Variants in CSN2 observed in about 807,000 individuals in gnomAD.
CSN2 encodes the protein casein beta, also known as beta-casein.
Under a neutral mutation model 27.3 loss-of-function variants are expected in CSN2, and 27 were observed. The ratio of observed to expected loss-of-function variants is 0.99; its 90% CI spans 0.73 to 1.36. The LOEUF (loss-of-function observed/expected upper bound fraction) is 1.36. Ranked by LOEUF, CSN2 falls within the 40% of genes most tolerant of loss-of-function variation. The probability of loss-of-function intolerance (pLI) is 0.00; values close to 1 mark genes in which losing one functional copy is unlikely to be tolerated. For missense variants in CSN2, 333 were observed against 264.5 expected, an observed-to-expected ratio of 1.26 and a Z score of -1.80; for synonymous variants, 131 against 94.8, an observed-to-expected ratio of 1.38 and a Z score of -2.22.
At chr4:69,962,992 T>C (rs560930480) in intron 1 of CSN2, among the ~76,000 whole-genome samples, 4 of 152,128 alleles carry the variant, frequency 2.6e-5, no homozygotes, top group Non-Finnish European at 4.4e-5. Flanking sequence ...AAAATGCTCA[T>C]CATCACTGGC....
chr4:69,960,805 A>G (rs1374022582), intron 2 of CSN2, 140 bp downstream of exon 2: 3 of 681,120 alleles, frequency 4.4e-6, no homozygotes, highest in Non-Finnish European at 7.3e-6. Context: ...AATATAAATG[A>G]TTTTGATAGA....
chr4:69,957,253 AG>A lies in CSN2; in HGVS notation c.675+20del. On this transcript the variant is annotated intron_variant, in intron 6 of 7. Transcript: ENST00000353151. ...ATACACATCTTGAATGAAACAGCAA[AG>A]CCAGTAAATTTGGACTTACACTAAT... is the stretch of plus-strand genomic sequence containing the variant. 1 of 1,511,918 alleles carries A rather than the reference AG, an allele frequency of 6.6e-7. No homozygotes were observed. The highest frequency in any genetic ancestry group is 1.4e-5 in the African/African-American group (1 of 71,830). 93.7% of individuals were successfully genotyped at this position (1,511,918 alleles called of 1,614,324 possible).
At chr4:69,957,839 A>T in intron 5 of CSN2, 35 bp from the exon 6 acceptor site, 1 of 1,556,464 alleles carries the variant, frequency 6.4e-7, no homozygotes, top group Non-Finnish European at 8.8e-7. Flanking sequence ...TGAGTCCTTG[A>T]TTAAGCTATA....
intron 2 of CSN2, 128 bp from the exon 3 acceptor site, chr4:69,960,207 C>T (rs113434763): frequency 1.3e-6 from 1 of 795,114 alleles, no homozygotes; most frequent in Admixed American, 2.7e-5. Context: ...ATTGTTCCTT[C>T]TGAAAAGATG....
At chr4:69,965,513 G>T (rs1246214346) in intron 1 of CSN2, among the ~76,000 whole-genome samples, 168 bp downstream of exon 1, 1 of 120,256 alleles carries the variant, frequency 8.3e-6, no homozygotes, top group African/African-American at 3.4e-5. Context: ...ATTCTTCTGG[G>T]CACTTCTATC....
chr4:69,964,495 G>A (rs1019280713), intron 1 of CSN2, among the ~76,000 whole-genome samples: 5 of 151,892 alleles, frequency 3.3e-5, no homozygotes, highest in African/African-American at 4.8e-5. Flanking sequence ...TAATTTATTT[G>A]AGAGATGTTC....
At chr4:69,963,419 A>T (rs1271443149) in intron 1 of CSN2, among the ~76,000 whole-genome samples, 1 of 152,096 alleles carries the variant, frequency 6.6e-6, no homozygotes. Flanking sequence ...AAAAATGATG[A>T]GTTCATGTCC....
intron 2 of CSN2, among the ~76,000 whole-genome samples, chr4:69,960,332 A>G (rs1246493516): frequency 2.0e-5 from 3 of 152,078 alleles, no homozygotes; most frequent in Non-Finnish European, 4.4e-5. Flanking sequence ...AAAATGTTAT[A>G]TGACTTTTGA....
intron 1 of CSN2, among the ~76,000 whole-genome samples, chr4:69,961,888 C>T (rs1723603329): frequency 6.6e-6 from 1 of 152,142 alleles, no homozygotes; most frequent in South Asian, 2.1e-4. Context: ...AGCAAAGTCT[C>T]AGGATACAAA....
intron 2 of CSN2, among the ~76,000 whole-genome samples, chr4:69,960,542 C>T (rs1232574100): frequency 6.6e-6 from 1 of 151,450 alleles, no homozygotes; most frequent in Non-Finnish European, 1.5e-5. Flanking sequence ...CCATGGATGT[C>T]TTTGTACAGA....
Position 69,957,733 on chromosome 4 carries a change from G to T in CSN2, c.216C>A (p.Ile72=). The change falls in exon 6 of 8, where the codon ATC becomes ATA. Residue 72 remains isoleucine (I), a synonymous_variant. Transcript: ENST00000353151. ...QPLIYPFVEP[I]PYGFLPQNIL... ...TGTTTTGTGGAAGAAAACCATAGGGGATAGGTTCAACGAATGGATAGATCA... is the reference window on the plus strand; with the variant it reads ...TGTTTTGTGGAAGAAAACCATAGGGTATAGGTTCAACGAATGGATAGATCA... 6.2e-7 allele frequency: 1 copy of T among 1,613,974 alleles called. No individual in the cohort carries two copies. Among genetic ancestry groups the T allele is most frequent in the Non-Finnish European group, 8.5e-7 (1 of 1,179,946 alleles).
At chr4:69,961,701 C>A (rs530288657) in intron 1 of CSN2, among the ~76,000 whole-genome samples, 4 of 152,188 alleles carry the variant, frequency 2.6e-5, no homozygotes, top group Non-Finnish European at 4.4e-5. Context: ...CTCACCACTC[C>A]TATTCAACAT....
rs752765716 is a variant in CSN2, at chr4:69,956,328, GA to G, written c.*21del. On this transcript the variant is annotated 3_prime_UTR_variant, in exon 7 of 8. Coordinates refer to ENST00000353151, the MANE Select transcript of CSN2 (RefSeq NM_001891.4). Reference sequence around the variant, plus strand: ...CCAAAACTTACCAAAAATAAGGAGGGAAAATTAACTTTGAAATCTTCTTAGA... The same window carrying G: ...CCAAAACTTACCAAAAATAAGGAGGGAAATTAACTTTGAAATCTTCTTAGA... The G allele has an allele frequency of 1.4e-6, 2 of 1,402,916 alleles. No homozygotes were observed. Among genetic ancestry groups the G allele is most frequent in the Admixed American group, 2.6e-5 (1 of 38,646 alleles). 86.9% of individuals were successfully genotyped at this position (1,402,916 alleles called of 1,614,324 possible).
intron 1 of CSN2, among the ~76,000 whole-genome samples, chr4:69,962,023 C>A (rs1223623049): frequency 6.6e-6 from 1 of 152,078 alleles, no homozygotes; most frequent in Non-Finnish European, 1.5e-5. Context: ...ATCCAACTTA[C>A]AAGGGATGAG....
chr4:69,963,902 T>TA lies in CSN2; in HGVS notation c.-13+1778dup, dbSNP rs147719177. 1.1e-3 allele frequency among the ~76,000 whole-genome samples: 162 copies of TA among 152,298 alleles called. 1 individual carries two copies. In the East Asian group the frequency reaches 0.027, roughly 25 times the overall value. On this transcript the variant is annotated intron_variant, in intron 1 of 7. Transcript: ENST00000353151. Reference sequence around the variant, plus strand: ...TTACTCCCTCATGGAGCCTCAGTTCTACTGGAAGAGACTGATCAAGAAAAT... The same window carrying TA: ...TTACTCCCTCATGGAGCCTCAGTTCTAACTGGAAGAGACTGATCAAGAAAAT...
At chr4:69,958,246 G>A (rs939552590) in intron 5 of CSN2, among the ~76,000 whole-genome samples, 1 of 152,064 alleles carries the variant, frequency 6.6e-6, no homozygotes. Context: ...TTTTGTTTTG[G>A]TTTGATGAAA....
intron 1 of CSN2, among the ~76,000 whole-genome samples, chr4:69,963,793 A>C (rs1037254219): frequency 2.0e-5 from 3 of 152,156 alleles, no homozygotes; most frequent in Non-Finnish European, 2.9e-5. Context: ...ATTAACTTAA[A>C]AATATTTCTT....
chr4:69,961,752 G>A (rs1346335505), intron 1 of CSN2, among the ~76,000 whole-genome samples: 2 of 152,132 alleles, frequency 1.3e-5, no homozygotes, highest in African/African-American at 4.8e-5. Flanking sequence ...GCAGGAGAAG[G>A]AAATAAAGGT....
chr4:69,957,335 T>G lies in CSN2; in HGVS notation c.614A>C (p.Asn205Thr), dbSNP rs1160076504. ...CACAGGGTAGATCTGGTGGGTGGGG[T>G]TAAGTAGAAGTTCTTGGTTGAGCAG... Reference protein sequence around the residue: ...ALLLNQELLLNPTHQIYPVTQ... With the variant: ...ALLLNQELLLTPTHQIYPVTQ... Residue 205 changes from asparagine (N) to threonine (T), a missense_variant, in exon 6 of 8, where the codon AAC becomes ACC. Physicochemically the swap from Asn to Thr is moderately conservative, Grantham distance 65. Transcript: ENST00000353151. 12 of 1,588,390 alleles carry G rather than the reference T, an allele frequency of 7.6e-6. No individual in the cohort carries two copies. The highest frequency in any genetic ancestry group is 7.1e-5 in the East Asian group (3 of 42,436).
Sources: gnomAD v4.1 joint callset for allele counts (sites outside exome capture counted in the v4.1 genomes callset) on GRCh38, gnomAD v4.1.1 for gene constraint, MANE v1.5 for transcripts, NCBI Gene and HGNC (gene_info 2026-07-23, HGNC 2026-07-21) for gene names.